The following DRC8 variants were observed in gnomAD, a reference collection of about 807,000 sequenced individuals.
DRC8 encodes dynein regulatory complex subunit 8.
the DRC8 span, among the ~76,000 whole-genome samples, chr1:245,017,895 C>G: frequency 6.6e-6 from 1 of 152,030 alleles, no homozygotes; most frequent in Non-Finnish European, 1.5e-5. Flanking sequence ...AGATTAGACG[C>G]TAATAAGAAT....
At chr1:244,978,107 G>A in the DRC8 span, among the ~76,000 whole-genome samples, 25 of 152,322 alleles carry the variant, frequency 1.6e-4, no homozygotes, top group East Asian at 4.4e-3. Flanking sequence ...ACCAGATCCT[G>A]TACTTGACAA....
chr1:245,060,020 T>C, the DRC8 span, among the ~76,000 whole-genome samples: 5 of 152,162 alleles, frequency 3.3e-5, no homozygotes, highest in Non-Finnish European at 7.3e-5. Flanking sequence ...TCATTTCAAA[T>C]GCAGCATTCG....
At chr1:245,004,223 AT>A in the DRC8 span, among the ~76,000 whole-genome samples, 31 of 148,888 alleles carry the variant, frequency 2.1e-4, no homozygotes, top group African/African-American at 4.4e-4. Context: ...CTTTGGATTG[AT>A]TTTTTTTTTA....
the DRC8 span, among the ~76,000 whole-genome samples, chr1:245,067,573 A>C: frequency 6.6e-6 from 1 of 152,206 alleles, no homozygotes; most frequent in Non-Finnish European, 1.5e-5. Context: ...CAAGCCCCGG[A>C]GGTCCCAAAT....
the DRC8 span, among the ~76,000 whole-genome samples, chr1:245,039,759 A>G: frequency 3.3e-5 from 5 of 152,082 alleles, no homozygotes; most frequent in Non-Finnish European, 5.9e-5. Context: ...CTTTTTTAGA[A>G]TGTCCCTCAG....
the DRC8 span, among the ~76,000 whole-genome samples, chr1:245,075,766 C>T: frequency 1.3e-5 from 2 of 152,228 alleles, no homozygotes; most frequent in African/African-American, 4.8e-5. Context: ...GTTAGCCCTT[C>T]CCATAGAAGA....
the DRC8 span, among the ~76,000 whole-genome samples, chr1:245,056,576 G>A: frequency 6.6e-6 from 1 of 152,196 alleles, no homozygotes; most frequent in Non-Finnish European, 1.5e-5. Context: ...AGTTTGCATA[G>A]TCTATCATTT....
the DRC8 span, among the ~76,000 whole-genome samples, chr1:245,067,964 T>C: frequency 6.6e-6 from 1 of 152,188 alleles, no homozygotes; most frequent in Non-Finnish European, 1.5e-5. Context: ...GGAATTTAAT[T>C]ATAGAGCTGA....
At chr1:244,970,639 C>T in the DRC8 span, 1 of 53,828 alleles carries the variant, frequency 1.9e-5, no homozygotes, top group African/African-American at 7.4e-5. Flanking sequence ...GCCCGCCGCT[C>T]CGCCCCGCCC....
At chr1:244,970,254 G>A in the DRC8 span, 4 of 733,752 alleles carry the variant, frequency 5.5e-6, no homozygotes, top group South Asian at 1.5e-5. Flanking sequence ...CAGGGCGCGC[G>A]CTCGGAGCCT....
the DRC8 span, among the ~76,000 whole-genome samples, chr1:245,013,367 A>G: frequency 6.6e-6 from 1 of 152,204 alleles, no homozygotes; most frequent in African/African-American, 2.4e-5. Context: ...CCTTAAATTT[A>G]AAAACCAAAC....
At chr1:245,038,237 G>A in the DRC8 span, among the ~76,000 whole-genome samples, 3,111 of 152,302 alleles carry the variant, frequency 0.02, 45 homozygotes, top group Non-Finnish European at 0.033. Flanking sequence ...TTGGGAGGCC[G>A]AGGCAAGCAG....
chr1:245,092,545 G>A, the DRC8 span, among the ~76,000 whole-genome samples: 1 of 152,214 alleles, frequency 6.6e-6, no homozygotes, highest in African/African-American at 2.4e-5. Flanking sequence ...CTGAAAGCAT[G>A]GTTGCCAATC....
the DRC8 span, among the ~76,000 whole-genome samples, chr1:245,081,738 G>A: frequency 1.4e-3 from 214 of 152,238 alleles, no homozygotes; most frequent in African/African-American, 4.7e-3. Flanking sequence ...TCAAGTGCTG[G>A]GATTACAGGC....
chr1:244,980,488 T>G, the DRC8 span, among the ~76,000 whole-genome samples: 1 of 152,204 alleles, frequency 6.6e-6, no homozygotes, highest in Non-Finnish European at 1.5e-5. Context: ...GACTCCAGGT[T>G]TGTCCCAGTA....
the DRC8 span, among the ~76,000 whole-genome samples, chr1:245,105,847 C>T: frequency 2.0e-5 from 3 of 152,080 alleles, no homozygotes; most frequent in African/African-American, 7.2e-5. Flanking sequence ...GAGGCCAAGG[C>T]AGGAAGTTCA....
the DRC8 span, among the ~76,000 whole-genome samples, chr1:244,997,369 A>G: frequency 6.6e-6 from 1 of 152,088 alleles, no homozygotes; most frequent in East Asian, 1.9e-4. Flanking sequence ...TCCTGCTAGA[A>G]TGCCACTCTT....
At chr1:245,075,910 T>C in the DRC8 span, among the ~76,000 whole-genome samples, 1 of 152,218 alleles carries the variant, frequency 6.6e-6, no homozygotes, top group African/African-American at 2.4e-5. Flanking sequence ...CGCCTTTTTT[T>C]CAGTCCAAAG....
At chr1:245,050,787 T>TTTTTCTCC in the DRC8 span, among the ~76,000 whole-genome samples, 3 of 152,208 alleles carry the variant, frequency 2.0e-5, no homozygotes, top group African/African-American at 7.2e-5. Context: ...TTTCTTCCTC[T>TTTTTCTCC]TTTTCTCCTC....
Sources: allele counts gnomAD v4.1 joint callset (sites outside exome capture counted in the v4.1 genomes callset), GRCh38; gene constraint gnomAD v4.1.1; transcripts MANE v1.5; gene names NCBI Gene and HGNC (gene_info 2026-07-23, HGNC 2026-07-21).